The following PROM2 variants were observed in gnomAD, a reference collection of about 807,000 sequenced individuals.
The protein encoded by PROM2 is prominin-2.
Under a neutral mutation model 110.2 loss-of-function variants are expected in PROM2, and 90 were observed. That is an observed-to-expected ratio of 0.82 (90% CI 0.69 to 0.97). The LOEUF is 0.97. Among genes scored for constraint, PROM2 ranks in the 50% least tolerant of loss-of-function variants. PROM2 has a pLI of 0.00. For missense variants in PROM2, 1,009 were observed against 1,074.8 expected (o/e 0.94, Z 0.86); for synonymous variants, 470 against 467.8 (o/e 1.00, Z -0.06).
At chr2:95,288,331 A>G (rs775978274) in intron 21 of PROM2, 31 bp downstream of exon 21, 3 of 1,612,084 alleles carry the variant, frequency 1.9e-6, no homozygotes, top group Admixed American at 3.3e-5. Flanking sequence ...GGGCTTGTTC[A>G]CCAAGTCCCG....
rs1677566368 is a variant in PROM2, at chr2:95,289,339, T to C, written c.*126T>C. On this transcript the variant is annotated 3_prime_UTR_variant, in exon 24 of 24. Coordinates refer to ENST00000317620, the MANE Select transcript of PROM2 (RefSeq NM_001165978.3). ...CATCCAGGCCTGGACTGTCCCCAGT[T>C]CCGGCTTACCTGGCCCCACCTTGCC... 5.9e-6 allele frequency: 2 copies of C among 339,984 alleles called. No individual in the cohort carries two copies. The highest frequency in any genetic ancestry group is 1.1e-5 in the Non-Finnish European group (2 of 181,734). The allele number at this position is 339,984 out of a possible 1,614,324, so 21.1% of individuals were successfully genotyped here.
In PROM2 at chr2:95,276,344, C is replaced by G. The variant is rs772595072; in HGVS notation, c.615C>G (p.Pro205=). The G allele has an allele frequency of 7.4e-6, 12 of 1,613,206 alleles. No individual in the cohort carries two copies. Among genetic ancestry groups the G allele is most frequent in the Middle Eastern group, 1.6e-4 (1 of 6,084 alleles). Reference sequence around the variant, plus strand: ...TCTGGGGCCTGGTCTCTGATGTCCCCCAAGTGAGCACTGTTACCCCTCACC... The same window carrying G: ...TCTGGGGCCTGGTCTCTGATGTCCCGCAAGTGAGCACTGTTACCCCTCACC... ...LSLWGLVSDV[P]QELQAVAQQF... The change falls in exon 4 of 24, where the codon CCC becomes CCG. Residue 205 remains proline, a synonymous_variant. Coordinates refer to ENST00000317620, the MANE Select transcript of PROM2 (RefSeq NM_001165978.3). The surrounding 1 kb of genome is among the most constrained non-coding windows in gnomAD (Gnocchi z 4.6).
Position 95,276,994 on chromosome 2 carries a change from C to G in PROM2, c.705C>G (p.Ser235Arg). 1 of 1,552,756 alleles carries G rather than the reference C, an allele frequency of 6.4e-7. No individual in the cohort carries two copies. Among genetic ancestry groups the G allele is most frequent in the Non-Finnish European group, 8.7e-7 (1 of 1,147,458 alleles). ...ELDGVGVSIGSAIHTQLRSSV... is the reference protein window; with the variant it reads ...ELDGVGVSIGRAIHTQLRSSV... ...CAGGTGTTGGTGTGAGCATTGGGAGCGCGATCCACACTCAGCTCAGGAGCT... is the reference window on the plus strand; with the variant it reads ...CAGGTGTTGGTGTGAGCATTGGGAGGGCGATCCACACTCAGCTCAGGAGCT... The change falls in exon 6 of 24, where the codon AGC (serine) becomes AGG (arginine). Residue 235 changes from serine to arginine, a missense_variant. Transcript: ENST00000317620. This position sits in a 1 kb window ranked among gnomAD's most constrained non-coding sequence, Gnocchi z 4.6.
Position 95,276,750 on chromosome 2 carries a change from C to A in PROM2, c.682+93C>A. On this transcript the variant is annotated intron_variant, in intron 5 of 23. Transcript: ENST00000317620. This position sits in a 1 kb window ranked among gnomAD's most constrained non-coding sequence, Gnocchi z 4.6. ...GGGCCTCTCACTCCCTCATTCTGGA[C>A]ACCCCCGGGAACAGGCTGGTAGAGG... is the stretch of plus-strand genomic sequence containing the variant. 7.1e-7 allele frequency: 1 copy of A among 1,407,674 alleles called. No individual in the cohort carries two copies. The highest frequency in any genetic ancestry group is 9.9e-7 in the Non-Finnish European group (1 of 1,005,058). The allele number at this position is 1,407,674 out of a possible 1,614,324, so 87.2% of individuals were successfully genotyped here. A position where few individuals can be genotyped will look rare whatever the true frequency, so the allele number is the denominator to read the frequency against.
intron 11 of PROM2, among the ~76,000 whole-genome samples, chr2:95,280,959 G>A (rs34066580): frequency 1.3e-5 from 2 of 152,174 alleles, no homozygotes; most frequent in African/African-American, 2.4e-5. Context: ...GGATAGTCCT[G>A]GCTCTTTGAA....
Position 95,276,036 on chromosome 2 carries a change from G to A in PROM2, c.401G>A (p.Arg134Gln), listed in dbSNP as rs374202321. The A allele has an allele frequency of 3.2e-5, 51 of 1,611,430 alleles. No homozygotes were observed. Among genetic ancestry groups the A allele is most frequent in the Middle Eastern group, 1.6e-4 (1 of 6,062 alleles). The change falls in exon 3 of 24, where the codon CGG becomes CAG. Residue 134 changes from arginine to glutamine, a missense_variant. Transcript: ENST00000317620. The surrounding 1 kb of genome is among the most constrained non-coding windows in gnomAD (Gnocchi z 4.6). Reference sequence around the variant, plus strand: ...TGCTTCTGCTGCTGCCGCTGCCACCGGCGCTGCGGGGGACGAGTGAAGACA... The same window carrying A: ...TGCTTCTGCTGCTGCCGCTGCCACCAGCGCTGCGGGGGACGAGTGAAGACA... ...GLCFCCCRCH[R>Q]RCGGRVKTEH...
At chr2:95,280,977 G>C (rs1677008048) in intron 11 of PROM2, among the ~76,000 whole-genome samples, 1 of 152,212 alleles carries the variant, frequency 6.6e-6, no homozygotes, top group African/African-American at 2.4e-5. Context: ...GAACAAAACA[G>C]CTGTTTTCTC....
In PROM2 at chr2:95,277,042, C is replaced by G; in HGVS notation, c.753C>G (p.Ala251=). Residue 251 remains alanine, a synonymous_variant, in exon 6 of 24, where the codon GCC becomes GCG. Transcript: ENST00000317620. ...GCTCCGTGTACCCCTTGCTGGCGGC[C>G]GTGGGCAGTTTGGGCCAGGGTGAGC... ...LRSSVYPLLA[A]VGSLGQVLQV... is the part of the protein sequence containing the mutation. 1 of 1,551,952 alleles carries G rather than the reference C, an allele frequency of 6.4e-7. No individual in the cohort carries two copies. The highest frequency in any genetic ancestry group is 8.7e-7 in the Non-Finnish European group (1 of 1,147,182).
chr2:95,280,325 G>A (rs1212729687), intron 11 of PROM2, among the ~76,000 whole-genome samples: 1 of 152,212 alleles, frequency 6.6e-6, no homozygotes, highest in African/African-American at 2.4e-5. Flanking sequence ...TAAGGCCAAG[G>A]CTGCCACATA....
At chr2:95,281,194 G>A in intron 11 of PROM2, 48 bp from the exon 12 acceptor site, 2 of 1,600,202 alleles carry the variant, frequency 1.2e-6, no homozygotes. Context: ...GTATGGTCAG[G>A]GCAGCCAGTC....
At position 95,276,757 on chromosome 2, in the gene PROM2, G is replaced by T; in HGVS notation, c.682+100G>T. Reference sequence around the variant, plus strand: ...TCACTCCCTCATTCTGGACACCCCCGGGAACAGGCTGGTAGAGGTGGGGAT... The same window carrying T: ...TCACTCCCTCATTCTGGACACCCCCTGGAACAGGCTGGTAGAGGTGGGGAT... On this transcript the variant is annotated intron_variant, in intron 5 of 23. Coordinates refer to ENST00000317620, the MANE Select transcript of PROM2 (RefSeq NM_001165978.3). The surrounding 1 kb of genome is among the most constrained non-coding windows in gnomAD (Gnocchi z 4.6). 1 of 1,363,044 alleles carries T rather than the reference G, an allele frequency of 7.3e-7. No individual in the cohort carries two copies. The highest frequency in any genetic ancestry group is 1.2e-5 in the South Asian group (1 of 82,646). 84.4% of individuals were successfully genotyped at this position (1,363,044 alleles called of 1,614,324 possible).
At position 95,275,857 on chromosome 2, in the gene PROM2, C is replaced by T. The variant is rs1390308097; in HGVS notation, c.295-73C>T. Reference sequence around the variant, plus strand: ...GGCACTCCCGCCCCTTCTGGTTTCCCTCTGGACTCAGGCAGAAGCCAGGGC... The same window carrying T: ...GGCACTCCCGCCCCTTCTGGTTTCCTTCTGGACTCAGGCAGAAGCCAGGGC... On this transcript the variant is annotated intron_variant, in intron 2 of 23. Transcript: ENST00000317620. This position sits in a 1 kb window ranked among gnomAD's most constrained non-coding sequence, Gnocchi z 4.4. The T allele has an allele frequency of 7.1e-6, 11 of 1,548,970 alleles. No homozygotes were observed. The highest frequency in any genetic ancestry group is 9.6e-6 in the Non-Finnish European group (11 of 1,150,282).
In PROM2 at chr2:95,290,287, T is replaced by G. The variant is rs995570342; in HGVS notation, c.*1074T>G. The G allele has an allele frequency of 2.0e-5, 3 of 152,306 alleles. No individual in the cohort carries two copies. The highest frequency in any genetic ancestry group is 7.2e-5 in the African/African-American group (3 of 41,468). 9.4% of individuals were successfully genotyped at this position (152,306 alleles called of 1,614,324 possible). A position where few individuals can be genotyped will look rare whatever the true frequency, so the allele number is the denominator to read the frequency against. On this transcript the variant is annotated 3_prime_UTR_variant, in exon 24 of 24. Transcript: ENST00000317620. The stretch of plus-strand genomic sequence containing the variant: ...AGGAGAGAGAAGAGATGGACAGACC[T>G]CAGATCCATTAAAGTGTTCTCACTT...
At chr2:95,288,072 G>A in intron 20 of PROM2, 139 bp from the exon 21 acceptor site, 2 of 740,690 alleles carry the variant, frequency 2.7e-6, no homozygotes, top group Middle Eastern at 2.4e-4. Flanking sequence ...CTCTGCATGT[G>A]TATACAAGTG....
intron 20 of PROM2, 80 bp from the exon 21 acceptor site, chr2:95,288,131 C>T (rs898008911): frequency 2.1e-6 from 3 of 1,424,868 alleles, no homozygotes; most frequent in South Asian, 1.2e-5. Flanking sequence ...CCCTGTCAAC[C>T]ACTCTCCCTG....
Position 95,289,226 on chromosome 2 carries a change from T to A in PROM2, c.*13T>A. On this transcript the variant is annotated splice_region_variant and 3_prime_UTR_variant, in exon 24 of 24. Transcript: ENST00000317620. The stretch of plus-strand genomic sequence containing the variant: ...GTTTCCTTCTTAATCCCTGACAGGG[T>A]GAGGTGACCCTGAGGCTGCCTGTCC... The A allele has an allele frequency of 1.7e-6, 1 of 577,174 alleles. No homozygotes were observed. Among genetic ancestry groups the A allele is most frequent in the Non-Finnish European group, 3.1e-6 (1 of 321,772 alleles). The allele number at this position is 577,174 out of a possible 1,614,324, so 35.8% of individuals were successfully genotyped here.
At chr2:95,283,689 A>G (rs1677175107) in intron 14 of PROM2, among the ~76,000 whole-genome samples, 3 of 152,224 alleles carry the variant, frequency 2.0e-5, no homozygotes, top group Admixed American at 2.0e-4. Flanking sequence ...CTTATCTGTT[A>G]AACACTGGGC....
intron 10 of PROM2, 72 bp downstream of exon 10, chr2:95,279,216 C>A: frequency 8.1e-7 from 1 of 1,241,880 alleles, no homozygotes; most frequent in Non-Finnish European, 1.1e-6. Context: ...CCCTGACACC[C>A]TGAGCCCCAT....
At chr2:95,278,432 G>A in intron 8 of PROM2, 1 of 566,132 alleles carries the variant, frequency 1.8e-6, no homozygotes, top group African/African-American at 1.9e-5. Context: ...GTGGACTGGA[G>A]CTGGACCTTC....
Sources: allele counts gnomAD v4.1 joint callset (sites outside exome capture counted in the v4.1 genomes callset), GRCh38; gene constraint gnomAD v4.1.1; non-coding constraint Gnocchi (gnomAD v3.1); transcripts MANE v1.5; gene names NCBI Gene and HGNC (gene_info 2026-07-23, HGNC 2026-07-21).